The following AHCYL2 variants were observed in gnomAD, a reference collection of about 807,000 sequenced individuals.
AHCYL2 encodes adenosylhomocysteinase like 2.
Under a neutral mutation model 81.4 loss-of-function variants are expected in AHCYL2, and 28 were observed. The observed-to-expected ratio is 0.34, with a 90% CI of 0.25 to 0.47. The LOEUF (loss-of-function observed/expected upper bound fraction) is 0.47, where lower values mean the gene tolerates loss of function less well. Ranked by LOEUF, AHCYL2 falls within the 20% of genes least tolerant of loss-of-function variation. AHCYL2 has a pLI of 1.00. For synonymous variants in AHCYL2, 272 were observed against 290.2 expected, an observed-to-expected ratio of 0.94 and a Z score of 0.64; for missense variants, 551 against 785.1, an observed-to-expected ratio of 0.70 and a Z score of 3.56.
chr7:129,352,721 A>G (rs1333057201), intron 1 of AHCYL2, among the ~76,000 whole-genome samples: 2 of 152,040 alleles, frequency 1.3e-5, no homozygotes, highest in Non-Finnish European at 2.9e-5. Context: ...CCAGGTTACC[A>G]TCATCTTGCA....
intron 1 of AHCYL2, 34 bp downstream of exon 1, chr7:129,225,473 A>C: frequency 6.8e-7 from 1 of 1,471,872 alleles, no homozygotes; most frequent in Non-Finnish European, 8.9e-7. Context: ...TAGGAGAGGA[A>C]GGGAGGGGAG....
At position 129,426,242 on chromosome 7, in the gene AHCYL2, A is replaced by G. The variant is rs994397660; in HGVS notation, c.1709-201A>G. ...GCTGAGTTAGTAAGGATGAATTATT[A>G]AGGCTTTGGAAAGCACTGGGCTTGA... is the stretch of plus-strand genomic sequence containing the variant. On this transcript the variant is annotated intron_variant, in intron 15 of 16. Transcript: ENST00000325006. The surrounding 1 kb of genome is among the most constrained non-coding windows in gnomAD (Gnocchi z 4.3). Among the ~76,000 whole-genome samples, 8 of 152,236 alleles carry G rather than the reference A, an allele frequency of 5.3e-5. No homozygotes were observed. The highest frequency in any genetic ancestry group is 1.2e-4 in the Non-Finnish European group (8 of 68,038).
At chr7:129,322,109 TTG>T (rs72103588) in intron 1 of AHCYL2, among the ~76,000 whole-genome samples, 48,084 of 144,896 alleles carry the variant, frequency 0.33, 8,367 homozygotes, top group African/African-American at 0.48. Flanking sequence ...GGGCCAGGTT[TTG>T]TGTGTGTGTG....
intron 1 of AHCYL2, among the ~76,000 whole-genome samples, chr7:129,306,035 C>G (rs925390703): frequency 6.6e-6 from 1 of 152,054 alleles, no homozygotes; most frequent in Non-Finnish European, 1.5e-5. Context: ...TATCCTTGAC[C>G]TTTGGGAGTT....
chr7:129,243,324 A>G (rs1191434226), intron 1 of AHCYL2, among the ~76,000 whole-genome samples: 1 of 151,340 alleles, frequency 6.6e-6, no homozygotes, highest in East Asian at 2.0e-4. Context: ...TGCCCAGCCG[A>G]CTATATTGTT....
intron 1 of AHCYL2, among the ~76,000 whole-genome samples, chr7:129,358,402 A>AC (rs201544893): frequency 1.2e-3 from 159 of 127,730 alleles, no homozygotes; most frequent in East Asian, 8.0e-3. Flanking sequence ...ACACACACAC[A>AC]AAAAAAAAAA....
Position 129,321,743 on chromosome 7 carries a change from G to GTTTT in AHCYL2, c.364-57877_364-57874dup. On this transcript the variant is annotated intron_variant, in intron 1 of 16. Transcript: ENST00000325006. Reference sequence around the variant, plus strand: ...TGTATGGAATTTGTATTCTTTCTTTGTTTTTTTTTTTTTTTTTTTTTGGTC... The same window carrying GTTTT: ...TGTATGGAATTTGTATTCTTTCTTTGTTTTTTTTTTTTTTTTTTTTTTTTTGGTC... 2.2e-4 allele frequency among the ~76,000 whole-genome samples: 17 copies of GTTTT among 77,614 alleles called. No homozygotes were observed. The East Asian group carries it at 2.2e-3, about 10-fold the overall frequency. 50.9% of individuals were successfully genotyped at this position (77,614 alleles called of 152,430 possible). A position where few individuals can be genotyped will look rare whatever the true frequency, so the allele number is the denominator to read the frequency against.
chr7:129,304,858 G>T (rs1244570655), intron 1 of AHCYL2, among the ~76,000 whole-genome samples: 1 of 151,238 alleles, frequency 6.6e-6, no homozygotes, highest in African/African-American at 2.4e-5. Flanking sequence ...TCTTTTGATT[G>T]GGGAGTTTAG....
chr7:129,407,569 A>G (rs1019729967), intron 10 of AHCYL2, among the ~76,000 whole-genome samples: 5 of 152,146 alleles, frequency 3.3e-5, no homozygotes, highest in African/African-American at 1.2e-4. Context: ...CTGGTACACT[A>G]AGAGTTTAGG....
In AHCYL2 at chr7:129,382,193, G is replaced by A. The variant is rs567887167; in HGVS notation, c.475+2444G>A. ...ATAGAAAAAGAGTTTCATGTGCATC[G>A]AATGAAAAGCCAAAAGTAATGGAAC... On this transcript the variant is annotated intron_variant, in intron 2 of 16. Coordinates refer to ENST00000325006, the MANE Select transcript of AHCYL2 (RefSeq NM_015328.4). Among the ~76,000 whole-genome samples, 3 of 152,246 alleles carry A rather than the reference G, an allele frequency of 2.0e-5. No individual in the cohort carries two copies. The South Asian group carries it at 6.2e-4, about 32-fold the overall frequency.
chr7:129,328,441 G>T (rs999646554), intron 1 of AHCYL2, among the ~76,000 whole-genome samples: 5 of 152,038 alleles, frequency 3.3e-5, no homozygotes, highest in African/African-American at 1.2e-4. Flanking sequence ...CTCCCAAAGC[G>T]CTGGGATTAC....
At chr7:129,359,832 T>A (rs1266557402) in intron 1 of AHCYL2, among the ~76,000 whole-genome samples, 2 of 152,174 alleles carry the variant, frequency 1.3e-5, no homozygotes, top group Non-Finnish European at 2.9e-5. Context: ...ATTCTACAGG[T>A]CTTAGGGAGT....
At chr7:129,347,417 C>A (rs1793401321) in intron 1 of AHCYL2, among the ~76,000 whole-genome samples, 1 of 152,128 alleles carries the variant, frequency 6.6e-6, no homozygotes, top group Non-Finnish European at 1.5e-5. Flanking sequence ...TCTTTCTCCT[C>A]AATTTTGCTG....
At chr7:129,350,876 G>C (rs73232767) in intron 1 of AHCYL2, among the ~76,000 whole-genome samples, 20,624 of 151,514 alleles carry the variant, frequency 0.14, 1,738 homozygotes, top group South Asian at 0.2. Flanking sequence ...GCTAATTTTT[G>C]TATATTTAGT....
intron 4 of AHCYL2, among the ~76,000 whole-genome samples, chr7:129,390,580 G>A (rs1795420756): frequency 6.6e-6 from 1 of 152,196 alleles, no homozygotes; most frequent in Non-Finnish European, 1.5e-5. Flanking sequence ...TTCAGATGCA[G>A]GATCTCAGGG....
chr7:129,281,297 T>A (rs1396875467), intron 1 of AHCYL2, among the ~76,000 whole-genome samples: 1 of 152,118 alleles, frequency 6.6e-6, no homozygotes. Flanking sequence ...TCTATGTTCA[T>A]GAGAGTTATT....
intron 1 of AHCYL2, among the ~76,000 whole-genome samples, chr7:129,243,009 A>G (rs1584696235): frequency 7.9e-6 from 1 of 127,204 alleles, no homozygotes; most frequent in African/African-American, 3.0e-5. Flanking sequence ...TATCGACTAT[A>G]TTGTTTCTCT....
At chr7:129,333,795 A>G (rs1033386168) in intron 1 of AHCYL2, among the ~76,000 whole-genome samples, 1 of 152,216 alleles carries the variant, frequency 6.6e-6, no homozygotes, top group Non-Finnish European at 1.5e-5. Context: ...AAACATTGTA[A>G]TAATCTTAAG....
intron 1 of AHCYL2, among the ~76,000 whole-genome samples, chr7:129,249,058 C>T (rs988895952): frequency 7.1e-6 from 1 of 140,476 alleles, no homozygotes; most frequent in East Asian, 2.1e-4. Flanking sequence ...AGTGCAGTGG[C>T]GCGATCTTGG....
Sources: allele counts gnomAD v4.1 joint callset (sites outside exome capture counted in the v4.1 genomes callset), GRCh38; gene constraint gnomAD v4.1.1; non-coding constraint Gnocchi (gnomAD v3.1); transcripts MANE v1.5; gene names NCBI Gene and HGNC (gene_info 2026-07-23, HGNC 2026-07-21).